The following SPAG16 variants were observed in gnomAD, a reference collection of about 807,000 sequenced individuals.
SPAG16 encodes sperm-associated antigen 16 protein.
SPAG16 carries 86 observed loss-of-function variants against 80.4 expected under a neutral mutation model. The observed-to-expected ratio is 1.07, with a 90% CI of 0.90 to 1.28. The LOEUF is 1.28. SPAG16 is among the 50% of genes most tolerant of loss of function. SPAG16 has a pLI of 0.00. For synonymous variants in SPAG16, 294 were observed against 265.9 expected, an observed-to-expected ratio of 1.11 and a Z score of -1.03; for missense variants, 870 against 765.3, an observed-to-expected ratio of 1.14 and a Z score of -1.61.
At chr2:213,885,091 G>T (rs1481569461) in intron 11 of SPAG16, among the ~76,000 whole-genome samples, 2 of 152,126 alleles carry the variant, frequency 1.3e-5, no homozygotes, top group African/African-American at 2.4e-5. Context: ...TTCTTGTGCT[G>T]ATTTTTGTAC....
At chr2:213,759,851 A>G (rs1444157640) in intron 10 of SPAG16, among the ~76,000 whole-genome samples, 1 of 152,134 alleles carries the variant, frequency 6.6e-6, no homozygotes, top group East Asian at 1.9e-4. Flanking sequence ...CCTGGCCAAC[A>G]TGGTGAAACC....
intron 12 of SPAG16, among the ~76,000 whole-genome samples, chr2:213,938,122 T>G (rs1237797600): frequency 6.6e-6 from 1 of 151,836 alleles, no homozygotes; most frequent in Non-Finnish European, 1.5e-5. Flanking sequence ...TATATATATT[T>G]TATAACATGA....
intron 11 of SPAG16, among the ~76,000 whole-genome samples, chr2:213,872,799 T>C (rs2076003803): frequency 6.6e-6 from 1 of 152,122 alleles, no homozygotes; most frequent in Admixed American, 6.6e-5. Flanking sequence ...TGAGAGGATG[T>C]TGGATTTTGT....
chr2:213,916,338 C>A (rs1047895520), intron 11 of SPAG16, among the ~76,000 whole-genome samples: 5 of 152,152 alleles, frequency 3.3e-5, no homozygotes, highest in African/African-American at 1.2e-4. Context: ...ATATGGCTAG[C>A]CAGTTTTCCC....
At chr2:214,288,280 T>C (rs1257892489) in intron 15 of SPAG16, among the ~76,000 whole-genome samples, 1 of 152,214 alleles carries the variant, frequency 6.6e-6, no homozygotes, top group Non-Finnish European at 1.5e-5. Context: ...CAAATAGTAT[T>C]CCTTTGTGTA....
At chr2:213,356,413 C>A (rs965063355) in intron 7 of SPAG16, among the ~76,000 whole-genome samples, 1 of 152,168 alleles carries the variant, frequency 6.6e-6, no homozygotes, top group Non-Finnish European at 1.5e-5. Flanking sequence ...TAATTATTGC[C>A]GCAATTTCAG....
chr2:213,587,990 G>C (rs1467639463), intron 10 of SPAG16, among the ~76,000 whole-genome samples: 1 of 152,160 alleles, frequency 6.6e-6, no homozygotes, highest in African/African-American at 2.4e-5. Flanking sequence ...GATTGATCAA[G>C]AGGAACCTAG....
chr2:214,289,659 G>C (rs1441896902), intron 15 of SPAG16, among the ~76,000 whole-genome samples: 3 of 152,170 alleles, frequency 2.0e-5, no homozygotes, highest in Non-Finnish European at 4.4e-5. Context: ...AAGTTGGGTA[G>C]TGTGAAGTCT....
intron 15 of SPAG16, among the ~76,000 whole-genome samples, chr2:214,204,195 C>T (rs1045462066): frequency 6.6e-6 from 1 of 152,234 alleles, no homozygotes; most frequent in South Asian, 2.1e-4. Flanking sequence ...AGAGCCTGAG[C>T]TCAGACATGC....
chr2:213,904,324 T>C (rs1486388458), intron 11 of SPAG16, among the ~76,000 whole-genome samples: 1 of 152,068 alleles, frequency 6.6e-6, no homozygotes, highest in Non-Finnish European at 1.5e-5. Flanking sequence ...TGGGGAGGCC[T>C]CAGAATCATG....
chr2:213,607,969 G>C (rs940939850), intron 10 of SPAG16, among the ~76,000 whole-genome samples: 6 of 152,096 alleles, frequency 3.9e-5, no homozygotes, highest in African/African-American at 1.2e-4. Context: ...ACTTTAGAAA[G>C]TACTAAATTT....
intron 10 of SPAG16, among the ~76,000 whole-genome samples, chr2:213,736,864 C>G (rs1057291389): frequency 6.6e-6 from 1 of 151,810 alleles, no homozygotes; most frequent in Admixed American, 6.6e-5. Flanking sequence ...ACCACCATGC[C>G]CAGCTAATTT....
At chr2:214,061,638 T>G (rs1349061693) in intron 13 of SPAG16, among the ~76,000 whole-genome samples, 1 of 152,196 alleles carries the variant, frequency 6.6e-6, no homozygotes, top group Non-Finnish European at 1.5e-5. Context: ...GTAATCTGCT[T>G]TACTTACAGC....
intron 14 of SPAG16, among the ~76,000 whole-genome samples, chr2:214,130,908 T>A (rs1467465798): frequency 6.6e-6 from 1 of 152,160 alleles, no homozygotes; most frequent in Admixed American, 6.6e-5. Context: ...GTTTCAAAAA[T>A]TGTCTTTAGA....
chr2:213,895,326 T>C (rs2076954304), intron 11 of SPAG16, among the ~76,000 whole-genome samples: 1 of 152,000 alleles, frequency 6.6e-6, no homozygotes. Context: ...ATTAATACTT[T>C]TAAAATGACA....
intron 10 of SPAG16, among the ~76,000 whole-genome samples, chr2:213,754,956 T>C (rs2068254634): frequency 6.6e-6 from 1 of 152,256 alleles, no homozygotes; most frequent in Non-Finnish European, 1.5e-5. Context: ...TTTGCAAACC[T>C]GTAATTACTA....
intron 10 of SPAG16, among the ~76,000 whole-genome samples, chr2:213,777,694 G>A (rs1033721494): frequency 2.0e-5 from 3 of 151,806 alleles, no homozygotes; most frequent in African/African-American, 7.3e-5. Context: ...GGCGTGAGCC[G>A]CCCAACTAAT....
chr2:213,674,677 T>A (rs1348742148), intron 10 of SPAG16, among the ~76,000 whole-genome samples: 1 of 150,080 alleles, frequency 6.7e-6, no homozygotes, highest in South Asian at 2.1e-4. Flanking sequence ...GAATGATGAT[T>A]TCCAATTTCA....
chr2:213,620,605 T>G (rs1201200265), intron 10 of SPAG16, among the ~76,000 whole-genome samples: 1 of 152,068 alleles, frequency 6.6e-6, no homozygotes, highest in Non-Finnish European at 1.5e-5. Flanking sequence ...TTGTGTATTT[T>G]CAAAAAGCTA....
Sources: gnomAD v4.1 joint callset for allele counts (sites outside exome capture counted in the v4.1 genomes callset) on GRCh38, gnomAD v4.1.1 for gene constraint, MANE v1.5 for transcripts, NCBI Gene and HGNC (gene_info 2026-07-23, HGNC 2026-07-21) for gene names.